The following ADAMTS19 variants were observed in gnomAD, a reference collection of about 807,000 sequenced individuals.
The protein encoded by ADAMTS19 is A disintegrin and metalloproteinase with thrombospondin motifs 19.
A neutral mutation model predicts 153.3 loss-of-function variants in ADAMTS19; 93 were observed. That is an observed-to-expected ratio of 0.61 (90% CI 0.51 to 0.72). The LOEUF is 0.72. Among genes scored for constraint, ADAMTS19 ranks in the 30% least tolerant of loss-of-function variants. The probability of loss-of-function intolerance (pLI) is 0.00; values close to 1 mark genes in which losing one functional copy is unlikely to be tolerated. For synonymous variants in ADAMTS19, 600 were observed against 556.6 expected, an observed-to-expected ratio of 1.08 and a Z score of -1.10; for missense variants, 1,482 against 1,552.1, an observed-to-expected ratio of 0.95 and a Z score of 0.76.
chr5:129,536,626 G>A (rs915779865), intron 6 of ADAMTS19, among the ~76,000 whole-genome samples: 13 of 152,060 alleles, frequency 8.5e-5, no homozygotes, highest in Admixed American at 2.0e-4. Flanking sequence ...TGTTTACTGC[G>A]GCACTATTCA....
In ADAMTS19 at chr5:129,735,010, G is replaced by A. The variant is rs553809104; in HGVS notation, c.3391G>A (p.Glu1131Lys). 6.2e-7 allele frequency: 1 copy of A among 1,612,060 alleles called. No individual in the cohort carries two copies. Among genetic ancestry groups the A allele is most frequent in the Admixed American group, 1.7e-5 (1 of 59,794 alleles). The change falls in exon 22 of 23, where the codon GAA becomes AAA. Residue 1131 changes from glutamate to lysine, a missense_variant. Coordinates refer to ENST00000274487, the MANE Select transcript of ADAMTS19 (RefSeq NM_133638.6). ...MHKITGRHGN[E>K]CFSSEKPAAY... Reference sequence around the variant, plus strand: ...TAAGATCACAGGAAGACATGGAAATGAATGTTTTTCCTCAGAAAAACCTGC... The same window carrying A: ...TAAGATCACAGGAAGACATGGAAATAAATGTTTTTCCTCAGAAAAACCTGC...
At chr5:129,493,497 T>C (rs1750834748) in intron 2 of ADAMTS19, among the ~76,000 whole-genome samples, 1 of 151,874 alleles carries the variant, frequency 6.6e-6, no homozygotes, top group African/African-American at 2.4e-5. Context: ...AACTTTCAAC[T>C]AAGATGCTTT....
intron 21 of ADAMTS19, among the ~76,000 whole-genome samples, chr5:129,720,432 A>G (rs142419917): frequency 0.013 from 1,945 of 151,994 alleles, 34 homozygotes; most frequent in African/African-American, 0.043. Flanking sequence ...AAAATGCTGG[A>G]ATTACAGTTA....
chr5:129,538,015 A>G (rs1426717427), intron 6 of ADAMTS19, among the ~76,000 whole-genome samples: 1 of 152,078 alleles, frequency 6.6e-6, no homozygotes, highest in African/African-American at 2.4e-5. Flanking sequence ...ATGGATGGAG[A>G]GGGGACTTAT....
chr5:129,515,621 G>A (rs1751577312), intron 3 of ADAMTS19, among the ~76,000 whole-genome samples: 1 of 151,946 alleles, frequency 6.6e-6, no homozygotes, highest in African/African-American at 2.4e-5. Context: ...AAATGCTAAT[G>A]ATTTTTGCAT....
chr5:129,466,764 A>G (rs1749875015), intron 2 of ADAMTS19, among the ~76,000 whole-genome samples: 1 of 152,232 alleles, frequency 6.6e-6, no homozygotes, highest in Non-Finnish European at 1.5e-5. Flanking sequence ...GCTACCTATC[A>G]GTTACACTTT....
chr5:129,549,194 ATAAAT>A (rs1752976193), intron 6 of ADAMTS19, among the ~76,000 whole-genome samples: 1 of 150,152 alleles, frequency 6.7e-6, no homozygotes, highest in Non-Finnish European at 1.5e-5. Context: ...AAATAAATAA[ATAAAT>A]AAATAAAATA....
At chr5:129,705,097 G>A (rs1029879839) in intron 21 of ADAMTS19, among the ~76,000 whole-genome samples, 1 of 152,038 alleles carries the variant, frequency 6.6e-6, no homozygotes, top group African/African-American at 2.4e-5. Flanking sequence ...ATATTTTTCA[G>A]AAATGTAAAT....
intron 10 of ADAMTS19, among the ~76,000 whole-genome samples, chr5:129,637,489 G>A (rs1415296551): frequency 2.0e-5 from 3 of 152,148 alleles, no homozygotes; most frequent in Non-Finnish European, 4.4e-5. Flanking sequence ...GATTTTAGAA[G>A]TTGTGCAGGG....
At chr5:129,542,179 A>G (rs1280536308) in intron 6 of ADAMTS19, among the ~76,000 whole-genome samples, 1 of 152,150 alleles carries the variant, frequency 6.6e-6, no homozygotes, top group Non-Finnish European at 1.5e-5. Context: ...GCGTCAGGAA[A>G]GATAGCAAAG....
chr5:129,728,004 G>T (rs1433955671), intron 21 of ADAMTS19, among the ~76,000 whole-genome samples: 1 of 152,112 alleles, frequency 6.6e-6, no homozygotes, highest in African/African-American at 2.4e-5. Flanking sequence ...GATAAAACAG[G>T]TTGCGGTAAA....
intron 16 of ADAMTS19, among the ~76,000 whole-genome samples, chr5:129,675,443 T>A (rs1370023029): frequency 2.6e-5 from 4 of 152,168 alleles, no homozygotes; most frequent in Non-Finnish European, 4.4e-5. Flanking sequence ...TTTAGCCTAT[T>A]TTCTTTTTAG....
At chr5:129,719,078 TG>T (rs1452178760) in intron 21 of ADAMTS19, among the ~76,000 whole-genome samples, 2 of 152,124 alleles carry the variant, frequency 1.3e-5, no homozygotes, top group Non-Finnish European at 2.9e-5. Flanking sequence ...TGCACTGAAA[TG>T]TTTTTTTTTC....
At chr5:129,705,256 AAAGAG>A (rs1158706758) in intron 21 of ADAMTS19, among the ~76,000 whole-genome samples, 2 of 152,110 alleles carry the variant, frequency 1.3e-5, no homozygotes, top group African/African-American at 2.4e-5. Flanking sequence ...TTATTGTATA[AAAGAG>A]AAAAGAAAGT....
chr5:129,462,621 G>T (rs1430835185), intron 2 of ADAMTS19, among the ~76,000 whole-genome samples: 1 of 150,698 alleles, frequency 6.6e-6, no homozygotes, highest in Non-Finnish European at 1.5e-5. Flanking sequence ...GTGTGTGGGG[G>T]GGTCAAATAT....
At chr5:129,645,190 T>G (rs1481837337) in intron 11 of ADAMTS19, among the ~76,000 whole-genome samples, 1 of 152,192 alleles carries the variant, frequency 6.6e-6, no homozygotes, top group East Asian at 1.9e-4. Flanking sequence ...TAAATCAGAT[T>G]GAATTAGTAG....
chr5:129,680,144 G>A (rs943658576), intron 17 of ADAMTS19, among the ~76,000 whole-genome samples: 2 of 152,150 alleles, frequency 1.3e-5, no homozygotes, highest in Non-Finnish European at 2.9e-5. Flanking sequence ...GGAATTTACA[G>A]ATGCAAAGTA....
chr5:129,503,872 T>A (rs952828081), intron 2 of ADAMTS19, among the ~76,000 whole-genome samples: 12 of 152,134 alleles, frequency 7.9e-5, no homozygotes, highest in Non-Finnish European at 1.3e-4. Context: ...ATGTACTGCA[T>A]CAGACATTTG....
At chr5:129,702,980 A>C in intron 20 of ADAMTS19, among the ~76,000 whole-genome samples, 1 of 130,190 alleles carries the variant, frequency 7.7e-6, no homozygotes, top group African/African-American at 3.2e-5. Context: ...ATACAAATAC[A>C]TATATATATG....
Sources: gnomAD v4.1 joint callset for allele counts (sites outside exome capture counted in the v4.1 genomes callset) on GRCh38, gnomAD v4.1.1 for gene constraint, MANE v1.5 for transcripts, NCBI Gene and HGNC (gene_info 2026-07-23, HGNC 2026-07-21) for gene names.